The following TMEM255A variants were observed in gnomAD, a reference collection of about 807,000 sequenced individuals.
TMEM255A encodes family with sequence similarity 70, member A.
Under a neutral mutation model 23.5 loss-of-function variants are expected in TMEM255A, and 14 were observed. The observed-to-expected ratio is 0.60, with a 90% CI of 0.39 to 0.93. The LOEUF (loss-of-function observed/expected upper bound fraction) is 0.93, where lower values mean the gene tolerates loss of function less well. Ranked by LOEUF, TMEM255A falls within the 40% of genes least tolerant of loss-of-function variation. The probability of loss-of-function intolerance (pLI) is 0.00; values close to 1 mark genes in which losing one functional copy is unlikely to be tolerated. For missense variants in TMEM255A, 233 were observed against 261.7 expected (o/e 0.89, Z 0.76); for synonymous variants, 104 against 100.3 (o/e 1.04, Z -0.22).
At chrX:120,254,119 A>G, downstream of TMEM255A, 8 of 1,211,466 alleles carry the variant, frequency 6.6e-6, no homozygotes, top group Non-Finnish European at 8.9e-6. Flanking sequence ...AGTGCTAGCA[A>G]TAACTCGCCC....
intron 7 of TMEM255A, chrX:120,273,212 AAT>A: frequency 4.7e-6 from 1 of 213,295 alleles, no homozygotes; most frequent in Non-Finnish European, 9.2e-6. Context: ...ATTTGCAAGG[AAT>A]ATGAGTAGAA....
At chrX:120,310,271 A>G (rs1383673987) in intron 1 of TMEM255A, 1 of 112,028 alleles carries the variant, frequency 8.9e-6, no homozygotes, top group Non-Finnish European at 1.9e-5. Context: ...AGGGCTCCAA[A>G]TTAATTTCTC....
At chrX:120,305,266 G>A (rs782356188) in intron 1 of TMEM255A, among the ~76,000 whole-genome samples, 4 of 111,301 alleles carry the variant, frequency 3.6e-5, no homozygotes, top group South Asian at 3.8e-4. Context: ...TTTGAAAACA[G>A]GATTATTAAG....
intron 7 of TMEM255A, among the ~76,000 whole-genome samples, chrX:120,274,968 C>G (rs932520532): frequency 2.7e-5 from 3 of 111,601 alleles, no homozygotes; most frequent in Non-Finnish European, 5.6e-5. Context: ...TCCTGAGGTC[C>G]CATCTCCTCA....
intron 4 of TMEM255A, among the ~76,000 whole-genome samples, chrX:120,290,731 C>G (rs367567048): frequency 8.9e-6 from 1 of 111,811 alleles, no homozygotes. Flanking sequence ...ATTTATATTC[C>G]TGGTCCTGAA....
chrX:120,298,124 T>C (rs1447614226), intron 2 of TMEM255A, among the ~76,000 whole-genome samples: 1 of 111,281 alleles, frequency 9.0e-6, no homozygotes, highest in Non-Finnish European at 1.9e-5. Flanking sequence ...AGACAGATGA[T>C]TAGATATCAA....
intron 6 of TMEM255A, among the ~76,000 whole-genome samples, chrX:120,279,117 T>C (rs1213298244): frequency 8.9e-6 from 1 of 112,030 alleles, no homozygotes; most frequent in Non-Finnish European, 1.9e-5. Flanking sequence ...TTTTTAATAG[T>C]AAGCTTCCGT....
intron 7 of TMEM255A, among the ~76,000 whole-genome samples, 187 bp downstream of exon 7, chrX:120,276,698 A>G (rs781844746): frequency 9.0e-6 from 1 of 111,466 alleles, no homozygotes; most frequent in Non-Finnish European, 1.9e-5. Context: ...ATAACAAGAA[A>G]TATTTGCAGA....
intron 7 of TMEM255A, among the ~76,000 whole-genome samples, chrX:120,270,230 T>A (rs2147184046): frequency 9.0e-6 from 1 of 111,443 alleles, no homozygotes; most frequent in East Asian, 2.8e-4. Context: ...TTTAAATCAA[T>A]AAATCTGATT....
At position 120,296,759 on chromosome X, in the gene TMEM255A, T is replaced by G. The variant is rs868965406; in HGVS notation, c.202-2708A>C. On this transcript the variant is annotated intron_variant, in intron 2 of 8. Coordinates refer to ENST00000371369, the MANE Select transcript of TMEM255A (RefSeq NM_001104544.3). Reference sequence around the variant, plus strand: ...TATTATATTATATTATATTATATATTATATATATTAAATATATTATATATC... The same window carrying G: ...TATTATATTATATTATATTATATATGATATATATTAAATATATTATATATC... 2.9e-3 allele frequency among the ~76,000 whole-genome samples: 31 copies of G among 10,509 alleles called. 1 individual carries two copies. In the Admixed American group the frequency reaches 0.032, roughly 11 times the overall value. 9.1% of individuals were successfully genotyped at this position (10,509 alleles called of 115,157 possible).
Position 120,296,184 on chromosome X carries a change from G to A in TMEM255A, c.202-2133C>T, listed in dbSNP as rs148128188. Among the ~76,000 whole-genome samples the A allele has an allele frequency of 4.7e-3, 521 of 111,634 alleles. 1 individual carries two copies. The highest frequency in any genetic ancestry group is 0.016 in the African/African-American group (500 of 30,708). On this transcript the variant is annotated intron_variant, in intron 2 of 8. Coordinates refer to ENST00000371369, the MANE Select transcript of TMEM255A (RefSeq NM_001104544.3). ...ATTCGCAGAATGTCTCCTGAATCGT[G>A]ATAGCAGTCTTTGTCCTAAGACAGG...
chrX:120,291,223 CT>C, intron 4 of TMEM255A, 27 bp downstream of exon 4: 20 of 1,159,510 alleles, frequency 1.7e-5, no homozygotes, highest in Non-Finnish European at 2.3e-5. Context: ...TGCCTATTTA[CT>C]TTAACTCAGG....
intron 2 of TMEM255A, among the ~76,000 whole-genome samples, chrX:120,296,505 C>A (rs1384984644): frequency 1.0e-5 from 1 of 98,733 alleles, no homozygotes; most frequent in Non-Finnish European, 2.0e-5. Flanking sequence ...GAAGACATGG[C>A]TACTGTCCTC....
At chrX:120,278,395 A>T (rs1454159776) in intron 6 of TMEM255A, among the ~76,000 whole-genome samples, 3 of 112,325 alleles carry the variant, frequency 2.7e-5, no homozygotes, top group Non-Finnish European at 5.6e-5. Flanking sequence ...ATTTCTCTGT[A>T]GCATTCATTC....
intron 8 of TMEM255A, among the ~76,000 whole-genome samples, chrX:120,267,059 A>G (rs1011947003): frequency 8.9e-6 from 1 of 112,223 alleles, no homozygotes; most frequent in Non-Finnish European, 1.9e-5. Context: ...TCACAAAAAA[A>G]TTTGCAACCT....
intron 2 of TMEM255A, among the ~76,000 whole-genome samples, chrX:120,303,178 G>T (rs2058043855): frequency 9.0e-6 from 1 of 111,563 alleles, no homozygotes; most frequent in East Asian, 2.8e-4. Context: ...AAAGGGAACT[G>T]CATGCACCCT....
chrX:120,297,149 T>A (rs1213114933), intron 2 of TMEM255A, among the ~76,000 whole-genome samples: 1 of 49,923 alleles, frequency 2.0e-5, no homozygotes, highest in East Asian at 5.8e-4. Flanking sequence ...TATATTATAT[T>A]ATATTATAAT....
At chrX:120,277,097 C>A in intron 6 of TMEM255A, 50 bp from the exon 7 acceptor site, 1 of 1,099,806 alleles carries the variant, frequency 9.1e-7, no homozygotes, top group Non-Finnish European at 1.2e-6. Context: ...GCAGGCTGTC[C>A]TCCCCAGCCC....
chrX:120,264,967 T>C (rs1488740072), intron 8 of TMEM255A, among the ~76,000 whole-genome samples: 1 of 105,204 alleles, frequency 9.5e-6, no homozygotes, highest in Non-Finnish European at 1.9e-5. Flanking sequence ...AACCTCCACC[T>C]CCTGGGTTCA....
Sources: allele counts gnomAD v4.1 joint callset (sites outside exome capture counted in the v4.1 genomes callset), GRCh38; gene constraint gnomAD v4.1.1; transcripts MANE v1.5; gene names NCBI Gene and HGNC (gene_info 2026-07-23, HGNC 2026-07-21).